The following KIAA1217 variants were observed in gnomAD, a reference collection of about 807,000 sequenced individuals.
The protein encoded by KIAA1217 is KIAA1217.
Under a neutral mutation model 163.9 loss-of-function variants are expected in KIAA1217, and 88 were observed. That is an observed-to-expected ratio of 0.54 (90% CI 0.45 to 0.64). The LOEUF is 0.64. Among genes scored for constraint, KIAA1217 ranks in the 30% least tolerant of loss-of-function variants. The probability of loss-of-function intolerance (pLI) is 0.00; values close to 1 mark genes in which losing one functional copy is unlikely to be tolerated. For synonymous variants in KIAA1217, 903 were observed against 923.1 expected, an observed-to-expected ratio of 0.98 and a Z score of 0.39; for missense variants, 2,372 against 2,475.0, an observed-to-expected ratio of 0.96 and a Z score of 0.88.
intron 1 of KIAA1217, among the ~76,000 whole-genome samples, chr10:23,751,946 A>G (rs1353968539): frequency 6.6e-6 from 1 of 152,192 alleles, no homozygotes; most frequent in Non-Finnish European, 1.5e-5. Context: ...CTGGAAAACT[A>G]TTTTTATAGG....
At position 24,037,810 on chromosome 10, in the gene KIAA1217, A is replaced by G. The variant is rs373034447; in HGVS notation, c.-171+30436A>G. On this transcript the variant is annotated intron_variant, in intron 2 of 18. Transcript: ENST00000376462. ...GGCTACTTCCTTATTTTTGGACTCA[A>G]ACTAATGATAAAAATAACATAGACT... Among the ~76,000 whole-genome samples, 6 of 152,228 alleles carry G rather than the reference A, an allele frequency of 3.9e-5. No individual in the cohort carries two copies. In the East Asian group the frequency reaches 5.8e-4, roughly 15 times the overall value.
intron 2 of KIAA1217, among the ~76,000 whole-genome samples, chr10:24,026,857 A>T (rs1433763491): frequency 7.0e-6 from 1 of 143,298 alleles, no homozygotes; most frequent in Non-Finnish European, 1.5e-5. Flanking sequence ...CTTATTTTCT[A>T]GCATAAATAG....
intron 2 of KIAA1217, chr10:24,255,669 T>C (rs2075075710): frequency 2.7e-6 from 1 of 375,238 alleles, no homozygotes; most frequent in African/African-American, 2.1e-5. Context: ...GATATGTTTC[T>C]AACTATCTGG....
intron 1 of KIAA1217, among the ~76,000 whole-genome samples, chr10:24,218,639 C>T (rs1003598010): frequency 6.6e-6 from 1 of 152,014 alleles, no homozygotes; most frequent in Non-Finnish European, 1.5e-5. Flanking sequence ...CAGGTGCCCA[C>T]CACCATGCCC....
At chr10:24,100,409 T>C (rs965333411) in intron 2 of KIAA1217, among the ~76,000 whole-genome samples, 1 of 152,190 alleles carries the variant, frequency 6.6e-6, no homozygotes, top group African/African-American at 2.4e-5. Flanking sequence ...TACATTTAAA[T>C]ACATTAATTA....
chr10:23,870,485 C>A (rs949927265), intron 1 of KIAA1217, among the ~76,000 whole-genome samples: 2 of 152,074 alleles, frequency 1.3e-5, no homozygotes, highest in Admixed American at 6.6e-5. Context: ...CTTCAAGAAG[C>A]ACCAGGAAAT....
intron 2 of KIAA1217, among the ~76,000 whole-genome samples, chr10:24,338,218 A>G (rs2046639070): frequency 6.6e-6 from 1 of 152,232 alleles, no homozygotes; most frequent in East Asian, 1.9e-4. Context: ...TCTAGGTTAT[A>G]CAGGTTATTC....
intron 1 of KIAA1217, among the ~76,000 whole-genome samples, chr10:23,994,790 T>C (rs1846391548): frequency 6.6e-6 from 1 of 152,192 alleles, no homozygotes. Flanking sequence ...TTTAAAACTG[T>C]AGAAACTTTT....
chr10:24,266,906 G>T (rs531720180), intron 2 of KIAA1217, among the ~76,000 whole-genome samples: 1 of 152,058 alleles, frequency 6.6e-6, no homozygotes, highest in Non-Finnish European at 1.5e-5. Flanking sequence ...GCTTTGGGTC[G>T]GTGCCATCTT....
chr10:23,835,222 G>T (rs1487550867), intron 1 of KIAA1217, among the ~76,000 whole-genome samples: 1 of 152,142 alleles, frequency 6.6e-6, no homozygotes, highest in Non-Finnish European at 1.5e-5. Context: ...AACTAGGAAG[G>T]AGTGTCATTC....
chr10:23,790,344 C>CATATGCACATATGCAT (rs1835769811), intron 1 of KIAA1217, among the ~76,000 whole-genome samples: 1 of 110,862 alleles, frequency 9.0e-6, no homozygotes, highest in Non-Finnish European at 1.7e-5. Flanking sequence ...TGCATATATA[C>CATATGCACATATGCAT]ATATGCATAT....
intron 3 of KIAA1217, among the ~76,000 whole-genome samples, chr10:24,425,964 G>T (rs545693286): frequency 6.6e-6 from 1 of 152,114 alleles, no homozygotes; most frequent in Non-Finnish European, 1.5e-5. Flanking sequence ...TTTTTCATAA[G>T]TTGAAAACTT....
chr10:23,981,079 A>C (rs1279462332), intron 1 of KIAA1217, among the ~76,000 whole-genome samples: 1 of 152,248 alleles, frequency 6.6e-6, no homozygotes, highest in Non-Finnish European at 1.5e-5. Flanking sequence ...AGCAGAGATA[A>C]ACTTTAGTTA....
chr10:24,240,735 T>C (rs1268087628), intron 2 of KIAA1217, among the ~76,000 whole-genome samples: 1 of 152,222 alleles, frequency 6.6e-6, no homozygotes, highest in Admixed American at 6.5e-5. Flanking sequence ...ATGTTCCAAA[T>C]GTTAATGATT....
chr10:24,140,007 T>A lies in KIAA1217; in HGVS notation c.-170-79619T>A, dbSNP rs2063988109. Among the ~76,000 whole-genome samples, 4 of 148,960 alleles carry A rather than the reference T, an allele frequency of 2.7e-5. No individual in the cohort carries two copies. In the South Asian group the frequency reaches 8.4e-4, roughly 31 times the overall value. ...ATAGATCTTGGCAACCTCAGCATAC[T>A]TTTTTTTTTTCCCCCTTATCAAATT... is the stretch of plus-strand genomic sequence containing the variant. On this transcript the variant is annotated intron_variant, in intron 2 of 18. Transcript: ENST00000376462.
intron 13 of KIAA1217, 112 bp from the exon 14 acceptor site, chr10:24,527,822 TTA>T: frequency 2.7e-6 from 2 of 738,858 alleles, no homozygotes; most frequent in South Asian, 3.5e-5. Context: ...TACCCATTAG[TTA>T]TTTTTCCTGA....
intron 1 of KIAA1217, among the ~76,000 whole-genome samples, chr10:23,920,376 G>C (rs144819215): frequency 5.1e-4 from 78 of 152,152 alleles, no homozygotes; most frequent in African/African-American, 1.8e-3. Context: ...TCGCTGACTG[G>C]CTAGATTGAT....
intron 1 of KIAA1217, among the ~76,000 whole-genome samples, chr10:23,959,446 C>T (rs1821504212): frequency 1.3e-5 from 2 of 152,206 alleles, no homozygotes; most frequent in South Asian, 4.1e-4. Flanking sequence ...TCGCTTGAGC[C>T]CAGGAGTTCA....
In KIAA1217 at chr10:24,380,937, A is replaced by C; in HGVS notation, c.423A>C (p.Ser141=). 1 of 1,609,012 alleles carries C rather than the reference A, an allele frequency of 6.2e-7. No individual in the cohort carries two copies. The highest frequency in any genetic ancestry group is 8.5e-7 in the Non-Finnish European group (1 of 1,177,208). Residue 141 remains serine, a synonymous_variant, in exon 3 of 21, where the codon TCA becomes TCC. Coordinates refer to ENST00000376454, the MANE Select transcript of KIAA1217 (RefSeq NM_019590.5). ...PSLGDPVEHL[S]ETSADSLEAM... ...TGGGTGACCCGGTCGAGCATTTATC[A>C]GAGACGTCCGCTGATTCTTTGGAAG...
Sources: allele counts gnomAD v4.1 joint callset (sites outside exome capture counted in the v4.1 genomes callset), GRCh38; gene constraint gnomAD v4.1.1; transcripts MANE v1.5; gene names NCBI Gene and HGNC (gene_info 2026-07-23, HGNC 2026-07-21).